The following KCNH1 variants were observed in gnomAD, a reference collection of about 807,000 sequenced individuals.
KCNH1 encodes voltage-gated delayed rectifier potassium channel KCNH1.
In KCNH1, 27 loss-of-function variants were observed where a neutral mutation model predicts 69.2. The observed-to-expected ratio is 0.39, with a 90% CI of 0.29 to 0.54. The LOEUF (loss-of-function observed/expected upper bound fraction) is 0.54, where lower values mean the gene tolerates loss of function less well. Ranked by LOEUF, KCNH1 falls within the 20% of genes least tolerant of loss-of-function variation. KCNH1 has a pLI of 0.68. For synonymous variants in KCNH1, 456 were observed against 487.7 expected, an observed-to-expected ratio of 0.93 and a Z score of 0.86; for missense variants, 798 against 1,261.6, an observed-to-expected ratio of 0.63 and a Z score of 5.57.
At chr1:211,113,598 G>A (rs962188994) in intron 1 of KCNH1, among the ~76,000 whole-genome samples, 5 of 152,142 alleles carry the variant, frequency 3.3e-5, no homozygotes, top group African/African-American at 4.8e-5. Context: ...CTTTGTGCCT[G>A]GCTCCCCATT....
intron 6 of KCNH1, among the ~76,000 whole-genome samples, chr1:210,993,973 T>G (rs76610265): frequency 0.16 from 24,326 of 151,864 alleles, 2,250 homozygotes; most frequent in East Asian, 0.38. Flanking sequence ...AAAGAAAAAA[T>G]GTAAAAATAA....
chr1:210,846,987 C>A (rs1390503501), intron 7 of KCNH1, among the ~76,000 whole-genome samples: 2 of 152,154 alleles, frequency 1.3e-5, no homozygotes, highest in African/African-American at 4.8e-5. Flanking sequence ...AAATGCTCAC[C>A]ATCACTGGCC....
intron 7 of KCNH1, among the ~76,000 whole-genome samples, chr1:210,852,956 C>T (rs1176446791): frequency 6.6e-6 from 1 of 152,082 alleles, no homozygotes; most frequent in East Asian, 1.9e-4. Context: ...TCTTTTGGGG[C>T]CCCTGTCTTC....
intron 6 of KCNH1, among the ~76,000 whole-genome samples, chr1:210,957,209 T>C (rs1432986988): frequency 1.3e-5 from 2 of 152,192 alleles, no homozygotes; most frequent in East Asian, 3.9e-4. Flanking sequence ...TCAGTTTCCA[T>C]GTAGTTGTGA....
chr1:210,875,686 C>G (rs1686358834), intron 7 of KCNH1, among the ~76,000 whole-genome samples: 2 of 151,896 alleles, frequency 1.3e-5, no homozygotes, highest in South Asian at 4.2e-4. Context: ...GCCTGTAATC[C>G]CAGCTACTCG....
At chr1:210,741,841 G>A (rs1390016009) in intron 10 of KCNH1, among the ~76,000 whole-genome samples, 1 of 152,176 alleles carries the variant, frequency 6.6e-6, no homozygotes, top group African/African-American at 2.4e-5. Context: ...TACTTAACTT[G>A]ACATCAGTGT....
At chr1:210,999,115 A>T (rs999041559) in intron 6 of KCNH1, among the ~76,000 whole-genome samples, 1 of 152,218 alleles carries the variant, frequency 6.6e-6, no homozygotes, top group Non-Finnish European at 1.5e-5. Context: ...TAGAGAAGCA[A>T]GAGCAAACTC....
intron 6 of KCNH1, among the ~76,000 whole-genome samples, chr1:210,982,422 C>T (rs1688731633): frequency 6.6e-6 from 1 of 151,966 alleles, no homozygotes; most frequent in Non-Finnish European, 1.5e-5. Context: ...CTCCCCCTTC[C>T]CCCCACTCCA....
intron 7 of KCNH1, chr1:210,860,750 T>C (rs1685960016): frequency 1.3e-6 from 1 of 791,186 alleles, no homozygotes; most frequent in South Asian, 1.4e-5. Flanking sequence ...TTCACAGGCA[T>C]GTCTCTGTCA....
At chr1:211,114,746 G>A (rs1691536085) in intron 1 of KCNH1, among the ~76,000 whole-genome samples, 1 of 152,126 alleles carries the variant, frequency 6.6e-6, no homozygotes, top group African/African-American at 2.4e-5. Flanking sequence ...AAACATAAAT[G>A]ACTCTGGGAT....
intron 9 of KCNH1, among the ~76,000 whole-genome samples, chr1:210,791,711 T>C (rs907570008): frequency 6.6e-6 from 1 of 152,174 alleles, no homozygotes; most frequent in African/African-American, 2.4e-5. Context: ...TCTCACCACA[T>C]GTAACAGAAC....
At chr1:210,876,483 C>A (rs1164611504) in intron 7 of KCNH1, among the ~76,000 whole-genome samples, 1 of 152,144 alleles carries the variant, frequency 6.6e-6, no homozygotes. Flanking sequence ...CAATTCCTCA[C>A]TCTGCCATAA....
chr1:211,122,360 G>A lies in KCNH1; in HGVS notation c.79+11507C>T, dbSNP rs556379562. Reference sequence around the variant, plus strand: ...GGCCAGGCTGTGGAGAAATAGGAACGCTTTTACACTGTTGTTGGGAATGTA... The same window carrying A: ...GGCCAGGCTGTGGAGAAATAGGAACACTTTTACACTGTTGTTGGGAATGTA... On this transcript the variant is annotated intron_variant, in intron 1 of 10. Transcript: ENST00000271751. Among the ~76,000 whole-genome samples, 202 of 152,226 alleles carry A rather than the reference G, an allele frequency of 1.3e-3. 1 individual carries two copies. The highest frequency in any genetic ancestry group is 2.3e-3 in the Non-Finnish European group (158 of 68,008).
intron 7 of KCNH1, among the ~76,000 whole-genome samples, chr1:210,805,292 C>G (rs1238835239): frequency 6.6e-6 from 1 of 152,106 alleles, no homozygotes; most frequent in Non-Finnish European, 1.5e-5. Flanking sequence ...TCTGGCTTTT[C>G]AAAAGATGAG....
At chr1:210,722,117 AC>A (rs1356245671) in intron 10 of KCNH1, among the ~76,000 whole-genome samples, 1 of 152,202 alleles carries the variant, frequency 6.6e-6, no homozygotes, top group Non-Finnish European at 1.5e-5. Flanking sequence ...CATGAGCTTC[AC>A]AAAGACATAA....
intron 7 of KCNH1, among the ~76,000 whole-genome samples, chr1:210,855,319 C>A (rs1386939374): frequency 6.6e-6 from 1 of 152,134 alleles, no homozygotes; most frequent in Admixed American, 6.5e-5. Context: ...AGACATGAAC[C>A]CAGCCTTTCT....
chr1:210,965,269 A>G (rs1453039183), intron 6 of KCNH1, among the ~76,000 whole-genome samples: 4 of 152,138 alleles, frequency 2.6e-5, no homozygotes, highest in Admixed American at 2.6e-4. Flanking sequence ...GGCAAGAGAA[A>G]GAAATAAAGG....
intron 1 of KCNH1, among the ~76,000 whole-genome samples, chr1:211,118,307 C>T (rs1239614945): frequency 1.3e-5 from 2 of 152,216 alleles, no homozygotes; most frequent in East Asian, 3.9e-4. Flanking sequence ...TCTGAAGCAT[C>T]AAACCTGCCT....
intron 5 of KCNH1, among the ~76,000 whole-genome samples, chr1:211,057,753 T>C (rs112498657): frequency 2.0e-5 from 3 of 151,894 alleles, no homozygotes; most frequent in African/African-American, 7.2e-5. Context: ...CAAAAGTTAT[T>C]GGCCTTAAAG....
Sources: gnomAD v4.1 joint callset for allele counts (sites outside exome capture counted in the v4.1 genomes callset) on GRCh38, gnomAD v4.1.1 for gene constraint, MANE v1.5 for transcripts, NCBI Gene and HGNC (gene_info 2026-07-23, HGNC 2026-07-21) for gene names.